The following LYPLAL1 variants were observed in gnomAD, a reference collection of about 807,000 sequenced individuals.
LYPLAL1 encodes the protein lysophospholipase like 1.
In LYPLAL1, 23 loss-of-function variants were observed where a neutral mutation model predicts 19.7. The ratio of observed to expected loss-of-function variants is 1.17; its 90% CI spans 0.84 to 1.65. The LOEUF is 1.65. Among genes scored for constraint, LYPLAL1 ranks in the 40% most tolerant of loss-of-function variants. The pLI is 0.00. For missense variants in LYPLAL1, 355 were observed against 279.4 expected, an observed-to-expected ratio of 1.27 and a Z score of -1.93; for synonymous variants, 119 against 96.3, an observed-to-expected ratio of 1.24 and a Z score of -1.38.
chr1:219,299,069 T>C, the LYPLAL1 span, among the ~76,000 whole-genome samples: 1 of 152,164 alleles, frequency 6.6e-6, no homozygotes. Context: ...ATGCAGTTAT[T>C]TGGTAAAAGT....
chr1:219,359,880 A>C, the LYPLAL1 span, among the ~76,000 whole-genome samples: 5 of 152,162 alleles, frequency 3.3e-5, no homozygotes, highest in Admixed American at 3.3e-4. Flanking sequence ...AGTCCACAAG[A>C]CTGGAATGGG....
At chr1:219,395,841 C>T in the LYPLAL1 span, among the ~76,000 whole-genome samples, 1 of 152,098 alleles carries the variant, frequency 6.6e-6, no homozygotes, top group South Asian at 2.1e-4. Context: ...CGGTGGCTCA[C>T]ACCTGTAATC....
chr1:219,371,124 A>G, the LYPLAL1 span, among the ~76,000 whole-genome samples: 1 of 152,200 alleles, frequency 6.6e-6, no homozygotes, highest in Non-Finnish European at 1.5e-5. Flanking sequence ...CATTATTGGC[A>G]GGCAGATATT....
the LYPLAL1 span, among the ~76,000 whole-genome samples, chr1:219,253,465 G>A: frequency 6.6e-6 from 1 of 151,858 alleles, no homozygotes; most frequent in South Asian, 2.1e-4. Context: ...CAGAGATTCT[G>A]GTATGTTGTA....
chr1:219,310,535 T>C, the LYPLAL1 span, among the ~76,000 whole-genome samples: 4 of 152,234 alleles, frequency 2.6e-5, no homozygotes, highest in Admixed American at 6.5e-5. Context: ...TGGGAACGCT[T>C]TGAGGATGGT....
chr1:219,245,191 T>C, the LYPLAL1 span, among the ~76,000 whole-genome samples: 3 of 32,100 alleles, frequency 9.3e-5, no homozygotes, highest in African/African-American at 7.7e-5. Flanking sequence ...CTTCCTTCCT[T>C]CCTTCCTTCC....
At chr1:219,260,290 G>A in the LYPLAL1 span, among the ~76,000 whole-genome samples, 1 of 151,700 alleles carries the variant, frequency 6.6e-6, no homozygotes, top group Admixed American at 6.6e-5. Context: ...AAAACTGAAT[G>A]AGGAAAAAAT....
chr1:219,417,955 A>C, the LYPLAL1 span, among the ~76,000 whole-genome samples: 1 of 152,246 alleles, frequency 6.6e-6, no homozygotes, highest in Admixed American at 6.5e-5. Context: ...CCATTTTTCA[A>C]CTGGCTCTTG....
the LYPLAL1 span, among the ~76,000 whole-genome samples, chr1:219,385,423 A>G: frequency 6.6e-6 from 1 of 152,194 alleles, no homozygotes; most frequent in Non-Finnish European, 1.5e-5. Flanking sequence ...ATTTAGAAAT[A>G]GTTGGCCTAT....
chr1:219,377,960 C>T, the LYPLAL1 span, among the ~76,000 whole-genome samples: 1 of 152,186 alleles, frequency 6.6e-6, no homozygotes, highest in Non-Finnish European at 1.5e-5. Flanking sequence ...ACTGTAGCAA[C>T]AAAGCAGAAA....
the LYPLAL1 span, among the ~76,000 whole-genome samples, chr1:219,292,477 C>A: frequency 1.2e-4 from 19 of 152,298 alleles, no homozygotes; most frequent in Non-Finnish European, 2.8e-4. Context: ...GTCAGAGCAA[C>A]CTTTTTGGCA....
the LYPLAL1 span, among the ~76,000 whole-genome samples, chr1:219,364,967 C>T: frequency 6.6e-6 from 1 of 152,010 alleles, no homozygotes; most frequent in Non-Finnish European, 1.5e-5. Context: ...ATTTAAACGA[C>T]CTATTTGGAT....
the LYPLAL1 span, among the ~76,000 whole-genome samples, chr1:219,254,822 G>A: frequency 6.6e-6 from 1 of 151,992 alleles, no homozygotes; most frequent in Non-Finnish European, 1.5e-5. Context: ...GGCCTCTCTA[G>A]CAAGGTTGGA....
At chr1:219,429,169 G>T in the LYPLAL1 span, among the ~76,000 whole-genome samples, 1 of 152,268 alleles carries the variant, frequency 6.6e-6, no homozygotes. Flanking sequence ...TTCAGAGCTG[G>T]AAATACCTAA....
intron 3 of LYPLAL1, among the ~76,000 whole-genome samples, chr1:219,209,409 C>G (rs571514131): frequency 1.4e-4 from 21 of 152,096 alleles, no homozygotes; most frequent in Admixed American, 1.2e-3. Context: ...TGCAAAAGAT[C>G]CGAATTCCAA....
At chr1:219,244,917 A>AC in the LYPLAL1 span, among the ~76,000 whole-genome samples, 3 of 150,702 alleles carry the variant, frequency 2.0e-5, no homozygotes, top group Non-Finnish European at 3.0e-5. Flanking sequence ...ACTGCAAAAA[A>AC]AAAAAAAAAA....
intron 1 of LYPLAL1, among the ~76,000 whole-genome samples, chr1:219,177,288 A>G (rs1256374444): frequency 1.3e-5 from 2 of 152,158 alleles, no homozygotes; most frequent in African/African-American, 2.4e-5. Context: ...ACTTTCTGCA[A>G]AAAGTCAGGT....
chr1:219,179,215 A>C lies in LYPLAL1; in HGVS notation c.160A>C (p.Ile54Leu), dbSNP rs201344469. 1 of 1,612,458 alleles carries C rather than the reference A, an allele frequency of 6.2e-7. No homozygotes were observed. The highest frequency in any genetic ancestry group is 8.5e-7 in the Non-Finnish European group (1 of 1,179,074). The change falls in exon 2 of 5, where the codon ATA (isoleucine) becomes CTA (leucine). Residue 54 changes from isoleucine (I) to leucine (L), a missense_variant. By Grantham distance (5) the Ile-to-Leu change is conservative. Transcript: ENST00000366928. Reference protein sequence around the residue: ...VLNQDLTFQHIKIIYPTAPPR... With the variant: ...VLNQDLTFQHLKIIYPTAPPR... Reference sequence around the variant, plus strand: ...AAATCAAGATTTAACATTCCAACACATAAAAATTATTTATCCAACAGCTCC... The same window carrying C: ...AAATCAAGATTTAACATTCCAACACCTAAAAATTATTTATCCAACAGCTCC...
the LYPLAL1 span, among the ~76,000 whole-genome samples, chr1:219,242,933 C>G: frequency 3.5e-4 from 53 of 152,230 alleles, no homozygotes; most frequent in African/African-American, 1.3e-3. Context: ...GGCTAAGGAG[C>G]ACCAGTGTGT....
Sources: gnomAD v4.1 joint callset for allele counts (sites outside exome capture counted in the v4.1 genomes callset) on GRCh38, gnomAD v4.1.1 for gene constraint, MANE v1.5 for transcripts, NCBI Gene and HGNC (gene_info 2026-07-23, HGNC 2026-07-21) for gene names.